The following CCDC7 variants were observed in gnomAD, a reference collection of about 807,000 sequenced individuals.
CCDC7 encodes coiled-coil domain-containing protein 7.
CCDC7 carries 183 observed loss-of-function variants against 196.9 expected under a neutral mutation model. That is an observed-to-expected ratio of 0.93 (90% CI 0.82 to 1.05). The LOEUF (loss-of-function observed/expected upper bound fraction) is 1.05. Among genes scored for constraint, CCDC7 ranks in the 50% least tolerant of loss-of-function variants. CCDC7 has a pLI of 0.00. For missense variants in CCDC7, 1,540 were observed against 1,482.2 expected, an observed-to-expected ratio of 1.04 and a Z score of -0.64; for synonymous variants, 525 against 484.6, an observed-to-expected ratio of 1.08 and a Z score of -1.10.
intron 24 of CCDC7, among the ~76,000 whole-genome samples, chr10:32,704,792 C>G (rs898633539): frequency 1.3e-5 from 2 of 152,102 alleles, no homozygotes. Context: ...CTCCGTCAGT[C>G]AGTGTAGCAC....
At chr10:32,782,942 C>G (rs576168038) in intron 29 of CCDC7, among the ~76,000 whole-genome samples, 1 of 152,294 alleles carries the variant, frequency 6.6e-6, no homozygotes, top group South Asian at 2.1e-4. Context: ...AAAAGACAGT[C>G]TTTTCCACAA....
chr10:32,820,257 G>T (rs1250519175), intron 31 of CCDC7, among the ~76,000 whole-genome samples: 1 of 152,150 alleles, frequency 6.6e-6, no homozygotes, highest in Non-Finnish European at 1.5e-5. Flanking sequence ...ACTTACAAGG[G>T]ACAGGAAGGA....
intron 18 of CCDC7, among the ~76,000 whole-genome samples, chr10:32,587,697 T>C (rs560842589): frequency 2.7e-4 from 41 of 152,364 alleles, no homozygotes; most frequent in Non-Finnish European, 4.4e-5. Context: ...ATGAATCATC[T>C]GTGAATAAAG....
intron 24 of CCDC7, among the ~76,000 whole-genome samples, chr10:32,701,368 C>A (rs2078690328): frequency 6.6e-6 from 1 of 152,126 alleles, no homozygotes; most frequent in South Asian, 2.1e-4. Context: ...GGATGAAGCC[C>A]ATTTGATCAT....
intron 18 of CCDC7, among the ~76,000 whole-genome samples, chr10:32,594,093 T>C (rs7900309): frequency 0.14 from 21,620 of 152,140 alleles, 1,884 homozygotes; most frequent in African/African-American, 0.25. Context: ...AAGAAAGTCA[T>C]TGGTAGCTTG....
chr10:32,596,151 TCTC>T (rs2060326145), intron 18 of CCDC7, among the ~76,000 whole-genome samples: 1 of 152,152 alleles, frequency 6.6e-6, no homozygotes, highest in Non-Finnish European at 1.5e-5. Context: ...GGTGTTAAAA[TCTC>T]CTATTATTAT....
intron 9 of CCDC7, chr10:32,513,524 CA>C (rs2046551333): frequency 6.6e-6 from 1 of 151,818 alleles, no homozygotes; most frequent in Admixed American, 6.6e-5. Context: ...CAAAATTAGA[CA>C]ATCACAAGAA....
intron 25 of CCDC7, among the ~76,000 whole-genome samples, chr10:32,723,865 GCTAT>G (rs1297221046): frequency 6.6e-6 from 1 of 151,872 alleles, no homozygotes; most frequent in Non-Finnish European, 1.5e-5. Context: ...TGCATCGCAG[GCTAT>G]CTTTCAGTGT....
intron 28 of CCDC7, among the ~76,000 whole-genome samples, chr10:32,746,725 C>G (rs914340676): frequency 1.3e-5 from 2 of 152,160 alleles, no homozygotes; most frequent in Non-Finnish European, 2.9e-5. Flanking sequence ...GGCTAACCAT[C>G]AGAAAGCTTC....
chr10:32,527,902 G>T (rs1431261620), intron 11 of CCDC7, among the ~76,000 whole-genome samples: 1 of 151,724 alleles, frequency 6.6e-6, no homozygotes, highest in African/African-American at 2.4e-5. Flanking sequence ...AAATTTATGG[G>T]GTACAAGTGT....
At chr10:32,454,853 A>T (rs1029539493) in intron 2 of CCDC7, among the ~76,000 whole-genome samples, 3 of 152,140 alleles carry the variant, frequency 2.0e-5, no homozygotes, top group African/African-American at 7.2e-5. Context: ...TCTGTCCAAT[A>T]TTCTGTCTCC....
At chr10:32,721,671 T>C (rs2142147094) in intron 25 of CCDC7, among the ~76,000 whole-genome samples, 1 of 152,252 alleles carries the variant, frequency 6.6e-6, no homozygotes, top group African/African-American at 2.4e-5. Flanking sequence ...AATAAGACCT[T>C]ATGCCCCTTT....
rs1352062788 is a variant in CCDC7, at chr10:32,551,585, G to A, written c.1134+7284G>A. 2.0e-5 allele frequency among the ~76,000 whole-genome samples: 3 copies of A among 152,004 alleles called. No individual in the cohort carries two copies. In the East Asian group the frequency reaches 5.8e-4, roughly 29 times the overall value. On this transcript the variant is annotated intron_variant, in intron 13 of 41. Transcript: ENST00000639629. ...GCCTTTGCTGTATCCCACAGGTTTT[G>A]GTAGGTTGTGTCATTATTGTCATTC...
At chr10:32,474,970 A>T (rs922898975) in intron 8 of CCDC7, among the ~76,000 whole-genome samples, 2 of 152,200 alleles carry the variant, frequency 1.3e-5, no homozygotes, top group Non-Finnish European at 2.9e-5. Flanking sequence ...GGACAGCTGC[A>T]CATCTTACAG....
intron 28 of CCDC7, among the ~76,000 whole-genome samples, chr10:32,774,766 G>A (rs1328598189): frequency 1.3e-5 from 2 of 151,984 alleles, no homozygotes; most frequent in African/African-American, 4.8e-5. Context: ...TTTCTGTGCT[G>A]GCTTCTCATG....
intron 28 of CCDC7, among the ~76,000 whole-genome samples, chr10:32,746,296 G>A (rs1200884280): frequency 6.6e-6 from 1 of 152,206 alleles, no homozygotes; most frequent in Non-Finnish European, 1.5e-5. Context: ...TTAAATAGGT[G>A]AGGAGTGGTC....
chr10:32,810,758 A>G (rs1310881043), intron 30 of CCDC7, among the ~76,000 whole-genome samples: 2 of 152,146 alleles, frequency 1.3e-5, no homozygotes, highest in African/African-American at 4.8e-5. Context: ...GTTAGACCAT[A>G]TGTTAGGCCA....
intron 30 of CCDC7, among the ~76,000 whole-genome samples, chr10:32,811,816 C>G (rs556684920): frequency 2.0e-5 from 3 of 152,004 alleles, no homozygotes; most frequent in Admixed American, 2.0e-4. Context: ...CATAAAAATC[C>G]CCAACAAAAT....
At chr10:32,786,294 G>A (rs2081863176) in intron 29 of CCDC7, among the ~76,000 whole-genome samples, 1 of 152,132 alleles carries the variant, frequency 6.6e-6, no homozygotes, top group African/African-American at 2.4e-5. Context: ...AGGGAGAAAA[G>A]ATAATCTCTA....
Sources: allele counts gnomAD v4.1 joint callset (sites outside exome capture counted in the v4.1 genomes callset), GRCh38; gene constraint gnomAD v4.1.1; transcripts MANE v1.5; gene names NCBI Gene and HGNC (gene_info 2026-07-23, HGNC 2026-07-21).